The following CUX2 variants were observed in gnomAD, a reference collection of about 807,000 sequenced individuals.
CUX2 encodes the protein cut like homeobox 2.
A neutral mutation model predicts 144.8 loss-of-function variants in CUX2; 40 were observed. The ratio of observed to expected loss-of-function variants is 0.28; its 90% confidence interval spans 0.21 to 0.36. The LOEUF is 0.36. Among genes scored for constraint, CUX2 ranks in the 10% least tolerant of loss-of-function variants. The pLI is 1.00. For missense variants in CUX2, 1,615 were observed against 1,994.0 expected (o/e 0.81, Z 3.62); for synonymous variants, 827 against 875.6 (o/e 0.94, Z 0.98).
rs1054170623 is a variant in CUX2 at position 111,097,754 on chromosome 12, C to T, written c.63+63514C>T. Among the ~76,000 whole-genome samples the T allele has an allele frequency of 1.2e-4, 19 of 152,300 alleles. No homozygotes were observed. The East Asian group carries it at 1.5e-3, about 12-fold the overall frequency. ...GGGAGGATCCGCAAAGAGACTGCAGCGAGCAGGCAGGGGATCGGGGTGGCT... is the reference window on the plus strand; with the variant it reads ...GGGAGGATCCGCAAAGAGACTGCAGTGAGCAGGCAGGGGATCGGGGTGGCT... On this transcript the variant is annotated intron_variant, in intron 1 of 21. Transcript: ENST00000261726.
intron 1 of CUX2, among the ~76,000 whole-genome samples, chr12:111,177,165 T>A (rs927936307): frequency 6.6e-6 from 1 of 152,172 alleles, no homozygotes; most frequent in African/African-American, 2.4e-5. Flanking sequence ...AGCACCCCTG[T>A]GGCTTATGCA....
At position 111,322,745 on chromosome 12, in the gene CUX2, C is replaced by T. The variant is rs113568607; in HGVS notation, c.2926+165C>T. ...GCTGCACTGGAACATGGCGGGGGGTCCTGGGGTTTCTCTGCTCCCCTTTCT... is the reference window on the plus strand; with the variant it reads ...GCTGCACTGGAACATGGCGGGGGGTTCTGGGGTTTCTCTGCTCCCCTTTCT... On this transcript the variant is annotated intron_variant, in intron 18 of 21. Coordinates refer to ENST00000261726, the MANE Select transcript of CUX2 (RefSeq NM_015267.4). The surrounding 1 kb of genome is among the most constrained non-coding windows in gnomAD (Gnocchi z 4.2). 0.025 allele frequency among the ~76,000 whole-genome samples: 3,757 copies of T among 152,252 alleles called. 167 individuals are homozygous for T. Among genetic ancestry groups the T allele is most frequent in the African/African-American group, 0.085 (3,523 of 41,550 alleles).
chr12:111,281,706 TA>T (rs1040395875), intron 4 of CUX2, among the ~76,000 whole-genome samples: 3 of 152,188 alleles, frequency 2.0e-5, no homozygotes, highest in African/African-American at 7.2e-5. Flanking sequence ...CACAGACTCC[TA>T]GGGGGAGGGT....
chr12:111,265,309 T>TTTTA (rs1173178839), intron 4 of CUX2, among the ~76,000 whole-genome samples: 24 of 143,720 alleles, frequency 1.7e-4, no homozygotes, highest in African/African-American at 5.4e-4. Context: ...TTTTATTTTA[T>TTTTA]TTTTATTTTA....
intron 16 of CUX2, among the ~76,000 whole-genome samples, chr12:111,318,200 C>T (rs889670156): frequency 3.3e-5 from 5 of 149,972 alleles, no homozygotes; most frequent in South Asian, 2.1e-4. Flanking sequence ...CAGCTGGGAC[C>T]GTAGGCATAC....
chr12:111,172,532 G>GAA (rs1421108529), intron 1 of CUX2, among the ~76,000 whole-genome samples: 4 of 152,200 alleles, frequency 2.6e-5, no homozygotes, highest in Admixed American at 1.3e-4. Flanking sequence ...TGTTTGTCTT[G>GAA]ATGGAAATGG....
chr12:111,249,432 A>T (rs1169249832), intron 3 of CUX2, among the ~76,000 whole-genome samples: 16 of 109,762 alleles, frequency 1.5e-4, no homozygotes, highest in South Asian at 6.0e-4. Flanking sequence ...TTAAATTAAT[A>T]GACCCTTTTT....
chr12:111,099,756 A>G (rs1281307698), intron 1 of CUX2: 1 of 448,812 alleles, frequency 2.2e-6, no homozygotes, highest in Non-Finnish European at 4.5e-6. Context: ...GGATGGTGTA[A>G]AATCAGACCC....
intron 1 of CUX2, among the ~76,000 whole-genome samples, chr12:111,184,985 A>G (rs1053836028): frequency 4.6e-5 from 7 of 151,414 alleles, no homozygotes; most frequent in Non-Finnish European, 1.0e-4. Flanking sequence ...GAATGGGGTG[A>G]CCCAGGAGGC....
At position 111,293,650 on chromosome 12, in the gene CUX2, GA is replaced by G. The variant is rs1050980805; in HGVS notation, c.560+84del. 88 of 1,498,122 alleles carry G rather than the reference GA, an allele frequency of 5.9e-5. No homozygotes were observed. The African/African-American group carries it at 1.2e-3, about 20-fold the overall frequency. 92.8% of individuals were successfully genotyped at this position (1,498,122 alleles called of 1,614,324 possible). ...CCCACCTGGCTGGGTCGTGGACGGG[GA>G]AAGTCTCCTACCAGAATCCAGATGC... On this transcript the variant is annotated intron_variant, in intron 6 of 21. Transcript: ENST00000261726. The surrounding 1 kb of genome is among the most constrained non-coding windows in gnomAD (Gnocchi z 4.5).
Position 111,171,945 on chromosome 12 carries a change from G to A in CUX2, c.64-42255G>A, listed in dbSNP as rs974606341. 1.3e-5 allele frequency among the ~76,000 whole-genome samples: 2 copies of A among 151,884 alleles called. No individual in the cohort carries two copies. The highest frequency in any genetic ancestry group is 2.4e-5 in the African/African-American group (1 of 41,174). ...TGCGTGTGCCTGTGCCTGTGTACACGTGCGTGTGTGTGCGTGCATGTGCAT... is the reference window on the plus strand; with the variant it reads ...TGCGTGTGCCTGTGCCTGTGTACACATGCGTGTGTGTGCGTGCATGTGCAT... On this transcript the variant is annotated intron_variant, in intron 1 of 21. Coordinates refer to ENST00000261726, the MANE Select transcript of CUX2 (RefSeq NM_015267.4). This position sits in a 1 kb window ranked among gnomAD's most constrained non-coding sequence, Gnocchi z 5.0.
In CUX2 at chr12:111,077,291, C is replaced by T. The variant is rs556920820; in HGVS notation, c.63+43051C>T. On this transcript the variant is annotated intron_variant, in intron 1 of 21. Transcript: ENST00000261726. The surrounding 1 kb of genome is among the most constrained non-coding windows in gnomAD (Gnocchi z 4.1). ...GAGGCCTTTCCTTGAAACGCGCAGC[C>T]GTGTGGCAGGGCCCGGGAAGACGTG... Among the ~76,000 whole-genome samples the T allele has an allele frequency of 3.3e-5, 5 of 152,282 alleles. No individual in the cohort carries two copies. The highest frequency in any genetic ancestry group is 9.6e-5 in the African/African-American group (4 of 41,570).
At chr12:111,103,496 CTTCA>C (rs948375933) in intron 1 of CUX2, among the ~76,000 whole-genome samples, 2 of 152,128 alleles carry the variant, frequency 1.3e-5, no homozygotes, top group South Asian at 4.1e-4. Flanking sequence ...GTGAGGGAAA[CTTCA>C]TTCATTCATT....
chr12:111,120,808 G>A (rs748367978), intron 1 of CUX2, among the ~76,000 whole-genome samples: 10 of 152,148 alleles, frequency 6.6e-5, no homozygotes, highest in African/African-American at 2.2e-4. Flanking sequence ...TGCGGGAAAC[G>A]TGTTTGTGCT....
At chr12:111,211,020 A>G (rs1192930445) in intron 1 of CUX2, among the ~76,000 whole-genome samples, 1 of 152,196 alleles carries the variant, frequency 6.6e-6, no homozygotes, top group East Asian at 1.9e-4. Context: ...TGTTTGAATC[A>G]CCATACAGAC....
intron 2 of CUX2, among the ~76,000 whole-genome samples, chr12:111,217,342 G>C (rs1881598856): frequency 6.6e-6 from 1 of 152,210 alleles, no homozygotes; most frequent in Admixed American, 6.5e-5. Flanking sequence ...TACACAAGTG[G>C]CATTGCTAAA....
intron 4 of CUX2, among the ~76,000 whole-genome samples, chr12:111,269,580 T>A (rs1884542055): frequency 6.6e-6 from 1 of 152,168 alleles, no homozygotes; most frequent in Non-Finnish European, 1.5e-5. Flanking sequence ...CACCAGCATG[T>A]CTAGTGCTTG....
chr12:111,340,730 C>T (rs1328742429), intron 20 of CUX2, among the ~76,000 whole-genome samples: 2 of 152,176 alleles, frequency 1.3e-5, no homozygotes, highest in African/African-American at 2.4e-5. Context: ...AAATATTTGC[C>T]CTGGCATGCT....
At chr12:111,140,376 C>T (rs550092237) in intron 1 of CUX2, among the ~76,000 whole-genome samples, 61 of 152,254 alleles carry the variant, frequency 4.0e-4, no homozygotes, top group Middle Eastern at 6.8e-3. Flanking sequence ...GAGCTAGCAG[C>T]GAAGAGATTT....
Sources: gnomAD v4.1 joint callset for allele counts (sites outside exome capture counted in the v4.1 genomes callset) on GRCh38, gnomAD v4.1.1 for gene constraint, Gnocchi (gnomAD v3.1) non-coding constraint, MANE v1.5 for transcripts, NCBI Gene and HGNC (gene_info 2026-07-23, HGNC 2026-07-21) for gene names.